The following DSCAM variants were observed in gnomAD, a reference collection of about 807,000 sequenced individuals.
The protein encoded by DSCAM is cell adhesion molecule DSCAM.
DSCAM carries 47 observed loss-of-function variants against 217.7 expected under a neutral mutation model. The observed-to-expected ratio is 0.22, with a 90% confidence interval of 0.17 to 0.28. The LOEUF (loss-of-function observed/expected upper bound fraction) is 0.28. DSCAM is among the 10% of genes least tolerant of loss of function. DSCAM has a pLI of 1.00. For synonymous variants in DSCAM, 1,056 were observed against 1,015.3 expected, an observed-to-expected ratio of 1.04 and a Z score of -0.76; for missense variants, 2,080 against 2,618.3, an observed-to-expected ratio of 0.79 and a Z score of 4.49.
intron 2 of DSCAM, among the ~76,000 whole-genome samples, chr21:40,707,417 TG>T: frequency 6.6e-6 from 1 of 152,236 alleles, no homozygotes; most frequent in African/African-American, 2.4e-5. Flanking sequence ...TTCATGAGCA[TG>T]TCACAAAGAT....
intron 3 of DSCAM, among the ~76,000 whole-genome samples, chr21:40,572,289 A>T (rs2076814329): frequency 6.6e-6 from 1 of 152,218 alleles, no homozygotes; most frequent in Non-Finnish European, 1.5e-5. Context: ...TATGATAGTT[A>T]AGTATACATA....
At chr21:40,652,844 T>A (rs934689647) in intron 3 of DSCAM, among the ~76,000 whole-genome samples, 1 of 152,228 alleles carries the variant, frequency 6.6e-6, no homozygotes, top group East Asian at 1.9e-4. Context: ...TCTGTTTTTA[T>A]TCTTCTGGGA....
intron 16 of DSCAM, among the ~76,000 whole-genome samples, chr21:40,157,650 A>G (rs1410258692): frequency 6.6e-6 from 1 of 152,066 alleles, no homozygotes; most frequent in Non-Finnish European, 1.5e-5. Context: ...GGAGGATGGC[A>G]TTCTTTCTCT....
At chr21:40,260,530 G>A (rs1264613011) in intron 11 of DSCAM, among the ~76,000 whole-genome samples, 2 of 152,194 alleles carry the variant, frequency 1.3e-5, no homozygotes, top group African/African-American at 4.8e-5. Context: ...AACATGAGGA[G>A]TGAGGATGGT....
intron 1 of DSCAM, among the ~76,000 whole-genome samples, chr21:40,779,888 A>C (rs1459519170): frequency 6.6e-6 from 1 of 152,222 alleles, no homozygotes; most frequent in African/African-American, 2.4e-5. Flanking sequence ...CCAGATGGTA[A>C]GGAGCTTGGG....
At chr21:40,187,408 A>G in intron 13 of DSCAM, 149 bp from the exon 14 acceptor site, 3 of 1,137,562 alleles carry the variant, frequency 2.6e-6, no homozygotes, top group Non-Finnish European at 3.6e-6. Flanking sequence ...CTTTTTCCTA[A>G]TCACATTTTA....
intron 1 of DSCAM, among the ~76,000 whole-genome samples, chr21:40,804,554 T>C (rs2091769533): frequency 6.6e-6 from 1 of 152,098 alleles, no homozygotes; most frequent in Non-Finnish European, 1.5e-5. Flanking sequence ...CTGGAGAAGA[T>C]GAGAGCCCCC....
intron 11 of DSCAM, among the ~76,000 whole-genome samples, chr21:40,208,189 T>C (rs556162685): frequency 3.3e-4 from 50 of 152,232 alleles, no homozygotes; most frequent in African/African-American, 1.2e-3. Flanking sequence ...ATGGTGGCTC[T>C]TATCTGTAAT....
At chr21:40,808,329 A>C (rs2091806506) in intron 1 of DSCAM, among the ~76,000 whole-genome samples, 1 of 152,148 alleles carries the variant, frequency 6.6e-6, no homozygotes, top group Non-Finnish European at 1.5e-5. Context: ...TTCACAAAAA[A>C]ATGAAAAGAA....
At chr21:40,823,162 C>G (rs2091942952) in intron 1 of DSCAM, among the ~76,000 whole-genome samples, 1 of 141,742 alleles carries the variant, frequency 7.1e-6, no homozygotes, top group Admixed American at 7.0e-5. Flanking sequence ...CAGCACCGCC[C>G]CCCCAAAAAA....
At chr21:40,818,113 A>T (rs1427246733) in intron 1 of DSCAM, among the ~76,000 whole-genome samples, 2 of 148,228 alleles carry the variant, frequency 1.3e-5, no homozygotes, top group Non-Finnish European at 3.0e-5. Flanking sequence ...AAAAAAAAAA[A>T]AAAAAAAAAA....
chr21:40,124,143 C>A, intron 20 of DSCAM, 52 bp downstream of exon 20: 1 of 1,610,486 alleles, frequency 6.2e-7, no homozygotes, highest in Non-Finnish European at 8.5e-7. Flanking sequence ...CGAGCACCTG[C>A]AGCTCGTCCC....
At position 40,615,960 on chromosome 21, in the gene DSCAM, A is replaced by G. The variant is rs150128783; in HGVS notation, c.508+76850T>C. 2.6e-5 allele frequency among the ~76,000 whole-genome samples: 4 copies of G among 152,206 alleles called. No homozygotes were observed. In the East Asian group the frequency reaches 7.7e-4, roughly 29 times the overall value. ...AGTCTTCAAGAAAGCTCCCTTTCTG[A>G]TAGAAATGATAACGTTTTGAAATCA... On this transcript the variant is annotated intron_variant, in intron 3 of 32. Transcript: ENST00000400454.
chr21:40,148,017 TA>T (rs1568967703), intron 16 of DSCAM, among the ~76,000 whole-genome samples: 1 of 152,190 alleles, frequency 6.6e-6, no homozygotes, highest in Non-Finnish European at 1.5e-5. Context: ...GTTAATGAGA[TA>T]GGGCTTTTTT....
intron 3 of DSCAM, among the ~76,000 whole-genome samples, chr21:40,548,829 T>C (rs769780928): frequency 6.6e-6 from 1 of 152,214 alleles, no homozygotes; most frequent in Non-Finnish European, 1.5e-5. Context: ...TCAATAGTAG[T>C]ACACAGCGAT....
intron 11 of DSCAM, among the ~76,000 whole-genome samples, chr21:40,203,286 A>T (rs1457835485): frequency 2.6e-5 from 4 of 152,230 alleles, no homozygotes. Flanking sequence ...ATGTTTGCAG[A>T]TATCTACCAT....
intron 14 of DSCAM, among the ~76,000 whole-genome samples, chr21:40,181,316 A>T (rs1027884847): frequency 6.6e-6 from 1 of 152,146 alleles, no homozygotes; most frequent in African/African-American, 2.4e-5. Flanking sequence ...CTGTGGGCAC[A>T]TTGGAAACAC....
intron 1 of DSCAM, among the ~76,000 whole-genome samples, chr21:40,801,099 C>A (rs1025502576): frequency 1.3e-5 from 2 of 151,736 alleles, no homozygotes; most frequent in African/African-American, 4.8e-5. Context: ...TTACAGGTGC[C>A]CACCCCTACA....
intron 3 of DSCAM, among the ~76,000 whole-genome samples, chr21:40,532,872 G>C (rs948831097): frequency 1.2e-4 from 3 of 24,550 alleles, no homozygotes; most frequent in African/African-American, 1.7e-3. Context: ...AAGGCTCTGT[G>C]TGTGTGTGTG....
Sources: gnomAD v4.1 joint callset for allele counts (sites outside exome capture counted in the v4.1 genomes callset) on GRCh38, gnomAD v4.1.1 for gene constraint, MANE v1.5 for transcripts, NCBI Gene and HGNC (gene_info 2026-07-23, HGNC 2026-07-21) for gene names.